The following PDE1A variants were observed in gnomAD, a reference collection of about 807,000 sequenced individuals.
PDE1A encodes phosphodiesterase 1A, also known as dual specificity calcium/calmodulin-dependent 3',5'-cyclic nucleotide phosphodiesterase 1A.
A neutral mutation model predicts 61.7 loss-of-function variants in PDE1A; 35 were observed. That is an observed-to-expected ratio of 0.57 (90% CI 0.43 to 0.75). The LOEUF (loss-of-function observed/expected upper bound fraction) is 0.75, where lower values mean the gene tolerates loss of function less well. Ranked by LOEUF, PDE1A falls within the 30% of genes least tolerant of loss-of-function variation. The probability of loss-of-function intolerance (pLI) is 0.00; values close to 1 mark genes in which losing one functional copy is unlikely to be tolerated. For synonymous variants in PDE1A, 232 were observed against 213.2 expected, an observed-to-expected ratio of 1.09 and a Z score of -0.77; for missense variants, 597 against 630.6, an observed-to-expected ratio of 0.95 and a Z score of 0.57.
chr2:182,513,255 C>CA (rs1351741956), intron 2 of PDE1A, among the ~76,000 whole-genome samples: 3 of 152,184 alleles, frequency 2.0e-5, no homozygotes, highest in Admixed American at 6.5e-5. Context: ...GACCTTTCAA[C>CA]AAAAACTCTA....
chr2:182,527,326 AAATATATAT>A (rs1313837499), upstream of PDE1A, among the ~76,000 whole-genome samples: 10 of 21,722 alleles, frequency 4.6e-4, no homozygotes, highest in Non-Finnish European at 7.5e-4. Flanking sequence ...AAAAAAAAAA[AAATATATAT>A]ATATATATAT....
the PDE1A span, among the ~76,000 whole-genome samples, chr2:182,679,190 TA>T: frequency 2.1e-5 from 3 of 145,354 alleles, no homozygotes; most frequent in Admixed American, 6.8e-5. Context: ...TTATTATTAT[TA>T]TTTTTTTTTT....
intron 1 of PDE1A, among the ~76,000 whole-genome samples, chr2:182,326,111 G>GTA (rs2124892845): frequency 6.7e-6 from 1 of 148,402 alleles, no homozygotes; most frequent in South Asian, 2.3e-4. Context: ...AGGATGACAA[G>GTA]TATATATATA....
At chr2:182,231,119 A>G in exon 5 of PDE1A, 1 of 1,550,312 alleles carries the variant, frequency 6.5e-7, no homozygotes, top group Non-Finnish European at 8.9e-7. Context: ...TCGAAAGACC[A>G]TTTATCAACA....
chr2:182,285,104 C>A (rs1448066184), intron 1 of PDE1A, among the ~76,000 whole-genome samples: 1 of 152,040 alleles, frequency 6.6e-6, no homozygotes, highest in African/African-American at 2.4e-5. Flanking sequence ...GCCTCTGATT[C>A]CCTCCCCAGT....
intron 2 of PDE1A, among the ~76,000 whole-genome samples, chr2:182,457,754 A>T (rs1056911853): frequency 6.6e-6 from 1 of 152,068 alleles, no homozygotes; most frequent in Non-Finnish European, 1.5e-5. Context: ...TTAGACTTAT[A>T]TATTGTTTTG....
At chr2:182,210,982 C>G (rs1687542888) in intron 7 of PDE1A, among the ~76,000 whole-genome samples, 1 of 152,250 alleles carries the variant, frequency 6.6e-6, no homozygotes, top group South Asian at 2.1e-4. Flanking sequence ...GGAGGGCCTT[C>G]TTGCTGTATC....
the PDE1A span, among the ~76,000 whole-genome samples, chr2:182,612,897 C>G: frequency 6.6e-6 from 1 of 152,188 alleles, no homozygotes; most frequent in African/African-American, 2.4e-5. Context: ...GCGAGATCGG[C>G]CTCCTCCATA....
chr2:182,534,826 G>A, the PDE1A span, among the ~76,000 whole-genome samples: 5 of 151,506 alleles, frequency 3.3e-5, no homozygotes, highest in African/African-American at 1.2e-4. Context: ...TGTTTCTGCT[G>A]TTGCTCTTTT....
At chr2:182,577,118 G>C in the PDE1A span, among the ~76,000 whole-genome samples, 2 of 151,904 alleles carry the variant, frequency 1.3e-5, no homozygotes, top group Non-Finnish European at 2.9e-5. Context: ...TTTGCTACTT[G>C]ATTTACTTTT....
At chr2:182,248,197 A>G (rs1244958379) in intron 2 of PDE1A, among the ~76,000 whole-genome samples, 1 of 151,482 alleles carries the variant, frequency 6.6e-6, no homozygotes, top group Non-Finnish European at 1.5e-5. Flanking sequence ...CAGAGGTTAC[A>G]GTGAGCCAAG....
chr2:182,560,813 A>G, the PDE1A span, among the ~76,000 whole-genome samples: 2 of 152,142 alleles, frequency 1.3e-5, no homozygotes, highest in Admixed American at 1.3e-4. Flanking sequence ...TCTGATGGCC[A>G]GTGATGGTGA....
intron 1 of PDE1A, among the ~76,000 whole-genome samples, chr2:182,330,141 C>T (rs1270165429): frequency 6.6e-6 from 1 of 151,914 alleles, no homozygotes; most frequent in Non-Finnish European, 1.5e-5. Flanking sequence ...GTCAGGAGTT[C>T]AAGACCAGCC....
At chr2:182,184,840 G>A (rs940605149) in intron 13 of PDE1A, among the ~76,000 whole-genome samples, 1 of 152,020 alleles carries the variant, frequency 6.6e-6, no homozygotes, top group Non-Finnish European at 1.5e-5. Context: ...TTTGATATAT[G>A]GCAAGTGCTC....
Position 182,261,434 on chromosome 2 carries a change from G to A in PDE1A, c.167+2867C>T, listed in dbSNP as rs188179115. 2.1e-3 allele frequency among the ~76,000 whole-genome samples: 320 copies of A among 152,238 alleles called. No homozygotes were observed. The South Asian group carries it at 0.034, about 16-fold the overall frequency. Reference sequence around the variant, plus strand: ...AGAGCCCTTTGAAGATGATACAAATGTGGGGTATTATTATTAATCCAATTT... The same window carrying A: ...AGAGCCCTTTGAAGATGATACAAATATGGGGTATTATTATTAATCCAATTT... On this transcript the variant is annotated intron_variant, in intron 2 of 13. Coordinates refer to ENST00000351439, the Ensembl canonical transcript of PDE1A.
At chr2:182,510,019 G>A (rs911721916) in intron 2 of PDE1A, among the ~76,000 whole-genome samples, 6 of 152,054 alleles carry the variant, frequency 3.9e-5, no homozygotes, top group Non-Finnish European at 5.9e-5. Context: ...GGTGCTTAGA[G>A]ATTTTACTAT....
At chr2:182,683,857 C>T in the PDE1A span, among the ~76,000 whole-genome samples, 2 of 152,074 alleles carry the variant, frequency 1.3e-5, no homozygotes, top group South Asian at 2.1e-4. Context: ...CGGGGGCTCA[C>T]GTCTGTAATT....
chr2:182,676,254 TAA>T, the PDE1A span, among the ~76,000 whole-genome samples: 17 of 151,820 alleles, frequency 1.1e-4, no homozygotes, highest in South Asian at 3.5e-3. Context: ...CTCACAGAAA[TAA>T]AAATAAACAC....
chr2:182,616,847 C>A, the PDE1A span, among the ~76,000 whole-genome samples: 1 of 152,174 alleles, frequency 6.6e-6, no homozygotes, highest in Admixed American at 6.5e-5. Flanking sequence ...ATTAATTATC[C>A]CTGTGTAAGC....
Sources: allele counts gnomAD v4.1 joint callset (sites outside exome capture counted in the v4.1 genomes callset), GRCh38; gene constraint gnomAD v4.1.1; transcripts MANE v1.5; gene names NCBI Gene and HGNC (gene_info 2026-07-23, HGNC 2026-07-21).